Variants in GRID2 observed in about 807,000 individuals in gnomAD.
GRID2 encodes glutamate ionotropic receptor delta type subunit 2.
Under a neutral mutation model 114.8 loss-of-function variants are expected in GRID2, and 33 were observed. That is an observed-to-expected ratio of 0.29 (90% CI 0.22 to 0.38). The LOEUF (loss-of-function observed/expected upper bound fraction) is 0.38. GRID2 is among the 10% of genes least tolerant of loss of function. GRID2 has a pLI of 1.00. For synonymous variants in GRID2, 505 were observed against 449.9 expected (o/e 1.12, Z -1.55); for missense variants, 1,184 against 1,257.7 (o/e 0.94, Z 0.89).
chr4:92,366,561 C>T (rs764001574), intron 1 of GRID2, among the ~76,000 whole-genome samples: 5 of 151,784 alleles, frequency 3.3e-5, no homozygotes, highest in African/African-American at 7.3e-5. Flanking sequence ...TAGTAGTTCC[C>T]GAAAATGTTG....
intron 4 of GRID2, among the ~76,000 whole-genome samples, chr4:93,128,059 AC>A (rs375606335): frequency 0.026 from 2,415 of 93,028 alleles, 552 homozygotes; most frequent in Middle Eastern, 0.046. Flanking sequence ...AAAAAAAAAA[AC>A]AACAGTACGT....
At position 92,717,905 on chromosome 4, in the gene GRID2, A is replaced by G. The variant is rs73837327; in HGVS notation, c.244+127619A>G. On this transcript the variant is annotated intron_variant, in intron 2 of 15. Coordinates refer to ENST00000282020, the MANE Select transcript of GRID2 (RefSeq NM_001510.4). Reference sequence around the variant, plus strand: ...TGTTTCTATGTGACAAATGACATAGATAATTTACAAAATATTAAATACAAT... The same window carrying G: ...TGTTTCTATGTGACAAATGACATAGGTAATTTACAAAATATTAAATACAAT... Among the ~76,000 whole-genome samples the G allele has an allele frequency of 5.1e-3, 774 of 152,184 alleles. 4 individuals carry two copies. The highest frequency in any genetic ancestry group is 0.018 in the African/African-American group (729 of 41,578).
chr4:92,514,963 T>C (rs17019426), intron 1 of GRID2, among the ~76,000 whole-genome samples: 2,738 of 151,978 alleles, frequency 0.018, 93 homozygotes, highest in African/African-American at 0.063. Context: ...TCTTCTTACC[T>C]TTTTGCAATT....
chr4:92,488,682 G>A (rs867253259), intron 1 of GRID2, among the ~76,000 whole-genome samples: 11 of 152,274 alleles, frequency 7.2e-5, no homozygotes, highest in Middle Eastern at 3.4e-3. Context: ...AAATGTTAAT[G>A]CTGAGGAAGG....
At chr4:93,602,673 T>A (rs1739808386) in intron 13 of GRID2, among the ~76,000 whole-genome samples, 1 of 152,188 alleles carries the variant, frequency 6.6e-6, no homozygotes, top group Non-Finnish European at 1.5e-5. Context: ...TCATTTCTCT[T>A]CCTCTGCTCA....
chr4:92,722,493 A>C (rs1735857580), intron 2 of GRID2, among the ~76,000 whole-genome samples: 1 of 152,176 alleles, frequency 6.6e-6, no homozygotes, highest in South Asian at 2.1e-4. Context: ...CTGAACATTT[A>C]ACCAAAAGAA....
intron 11 of GRID2, among the ~76,000 whole-genome samples, chr4:93,472,280 G>A (rs1052898426): frequency 5.9e-5 from 9 of 151,878 alleles, no homozygotes; most frequent in East Asian, 2.0e-4. Context: ...CCAAGATCAC[G>A]CCATTGCACT....
At chr4:93,386,895 T>A (rs1579912419) in intron 8 of GRID2, among the ~76,000 whole-genome samples, 2 of 152,126 alleles carry the variant, frequency 1.3e-5, no homozygotes, top group South Asian at 2.1e-4. Flanking sequence ...AGCCTCTGAA[T>A]GGAGGCTCCT....
At chr4:93,365,884 T>C (rs918894935) in intron 8 of GRID2, among the ~76,000 whole-genome samples, 7 of 152,154 alleles carry the variant, frequency 4.6e-5, no homozygotes, top group African/African-American at 1.7e-4. Context: ...AAATTAATAC[T>C]TTTATAATTT....
chr4:93,572,344 G>T (rs1283290274), intron 13 of GRID2, among the ~76,000 whole-genome samples: 1 of 152,138 alleles, frequency 6.6e-6, no homozygotes, highest in African/African-American at 2.4e-5. Context: ...AGATGTGTAA[G>T]CATATGCTCT....
chr4:93,275,823 A>T (rs1180511351), intron 8 of GRID2, among the ~76,000 whole-genome samples: 1 of 151,758 alleles, frequency 6.6e-6, no homozygotes. Context: ...TTATTTTTCT[A>T]TATTTTTAGG....
chr4:93,306,214 AG>A (rs1560479144), intron 8 of GRID2: 1 of 152,238 alleles, frequency 6.6e-6, no homozygotes, highest in Non-Finnish European at 1.5e-5. Context: ...GACTACCAAA[AG>A]AATGCTGACT....
chr4:92,658,905 C>T (rs1415378409), intron 2 of GRID2, among the ~76,000 whole-genome samples: 1 of 147,418 alleles, frequency 6.8e-6, no homozygotes, highest in Non-Finnish European at 1.5e-5. Flanking sequence ...CACATACACA[C>T]ATTTGCATGT....
chr4:93,068,205 C>T (rs1728481928), intron 2 of GRID2, among the ~76,000 whole-genome samples: 1 of 151,954 alleles, frequency 6.6e-6, no homozygotes, highest in East Asian at 1.9e-4. Flanking sequence ...AATGGTAATG[C>T]AAATTATAGT....
intron 2 of GRID2, among the ~76,000 whole-genome samples, chr4:93,071,865 AG>A (rs1264858703): frequency 1.1e-4 from 16 of 152,202 alleles, no homozygotes; most frequent in African/African-American, 3.6e-4. Context: ...TATTCATAAA[AG>A]AAAAAAAATT....
intron 2 of GRID2, among the ~76,000 whole-genome samples, chr4:92,842,887 C>T (rs1743012793): frequency 6.6e-6 from 1 of 151,942 alleles, no homozygotes; most frequent in Admixed American, 6.6e-5. Context: ...GTGGTAGAGG[C>T]AGGCATTTAG....
intron 1 of GRID2, among the ~76,000 whole-genome samples, chr4:92,508,779 C>A (rs1382746554): frequency 1.3e-5 from 2 of 151,864 alleles, no homozygotes; most frequent in South Asian, 2.1e-4. Context: ...GAATGGCAGA[C>A]AATACTTTTT....
At chr4:93,397,321 G>T (rs562546396) in intron 9 of GRID2, among the ~76,000 whole-genome samples, 151 of 151,872 alleles carry the variant, frequency 9.9e-4, no homozygotes, top group African/African-American at 3.6e-3. Context: ...GTACCTAAGG[G>T]TATTGATATG....
chr4:93,150,514 C>G (rs72887698), intron 4 of GRID2, among the ~76,000 whole-genome samples: 8,363 of 152,138 alleles, frequency 0.055, 651 homozygotes, highest in African/African-American at 0.17. Context: ...ACTGTGCCCC[C>G]ATTGGCACCC....
Sources: gnomAD v4.1 joint callset for allele counts (sites outside exome capture counted in the v4.1 genomes callset) on GRCh38, gnomAD v4.1.1 for gene constraint, MANE v1.5 for transcripts, NCBI Gene and HGNC (gene_info 2026-07-23, HGNC 2026-07-21) for gene names.